Variants in KCTD10 observed in about 807,000 individuals in gnomAD.
The protein encoded by KCTD10 is potassium channel tetramerization domain containing 10.
KCTD10 carries 13 observed loss-of-function variants against 34.6 expected under a neutral mutation model. The ratio of observed to expected loss-of-function variants is 0.38; its 90% CI spans 0.24 to 0.60. The LOEUF (loss-of-function observed/expected upper bound fraction) is 0.60. Ranked by LOEUF, KCTD10 falls within the 20% of genes least tolerant of loss-of-function variation. The pLI is 0.66. For missense variants in KCTD10, 256 were observed against 420.3 expected (o/e 0.61, Z 3.42); for synonymous variants, 156 against 168.8 (o/e 0.92, Z 0.59).
At chr12:109,459,431 T>C (rs1873199831) in intron 3 of KCTD10, 2 of 152,140 alleles carry the variant, frequency 1.3e-5, no homozygotes, top group African/African-American at 2.4e-5. Context: ...GCTGAGAACG[T>C]GGGGCTGAAG....
At chr12:109,476,385 C>G (rs1480232437) in intron 1 of KCTD10, among the ~76,000 whole-genome samples, 1 of 152,164 alleles carries the variant, frequency 6.6e-6, no homozygotes, top group Non-Finnish European at 1.5e-5. Context: ...AGGGACGTGA[C>G]AAACAAGCAA....
chr12:109,451,694 G>A lies in KCTD10; in HGVS notation c.843C>T (p.Arg281=), dbSNP rs572776348. 7.7e-5 allele frequency: 124 copies of A among 1,613,718 alleles called. No individual in the cohort carries two copies. Among genetic ancestry groups the A allele is most frequent in the Non-Finnish European group, 1.0e-4 (121 of 1,179,930 alleles). ...LLEATGGAAG[R]SHHLDEDEER... is the part of the protein sequence containing the mutation. ...CCTCGTCCTCGTCCAGGTGGTGGGA[G>A]CGCCCCGCCGCCCCGCCTGTGGCCT... Residue 281 remains arginine, a synonymous_variant, in exon 7 of 7, where the codon CGC becomes CGT. Coordinates refer to ENST00000228495, the MANE Select transcript of KCTD10 (RefSeq NM_031954.5). The surrounding 1 kb of genome is among the most constrained non-coding windows in gnomAD (Gnocchi z 5.0).
chr12:109,467,047 C>T (rs1429000652), intron 2 of KCTD10, among the ~76,000 whole-genome samples: 1 of 152,246 alleles, frequency 6.6e-6, no homozygotes, highest in Non-Finnish European at 1.5e-5. Context: ...AGCCTACCAG[C>T]CCAGGCCTTC....
At chr12:109,477,094 C>A (rs575304347) in intron 1 of KCTD10, among the ~76,000 whole-genome samples, 166 bp downstream of exon 1, 2 of 151,592 alleles carry the variant, frequency 1.3e-5, no homozygotes, top group African/African-American at 2.4e-5. Flanking sequence ...ACCCAAAGCC[C>A]TTCCCCCACC....
chr12:109,455,097 G>A (rs911757610), intron 6 of KCTD10, among the ~76,000 whole-genome samples: 1 of 151,626 alleles, frequency 6.6e-6, no homozygotes, highest in Non-Finnish European at 1.5e-5. Context: ...CCAATGTGGA[G>A]AGAGAGGCAG....
Position 109,460,538 on chromosome 12 carries a change from C to G in KCTD10, c.387+98G>C. 1 of 1,302,446 alleles carries G rather than the reference C, an allele frequency of 7.7e-7. No homozygotes were observed. The highest frequency in any genetic ancestry group is 1.1e-6 in the Non-Finnish European group (1 of 930,992). 80.7% of individuals were successfully genotyped at this position (1,302,446 alleles called of 1,614,324 possible). A position where few individuals can be genotyped will look rare whatever the true frequency, so the allele number is the denominator to read the frequency against. On this transcript the variant is annotated intron_variant, in intron 3 of 6. Transcript: ENST00000228495. The surrounding 1 kb of genome is among the most constrained non-coding windows in gnomAD (Gnocchi z 4.5). ...TCATTAACTCTCACAACATCTCAGT[C>G]AGACAGAAACTGCCCCCATTTTGCA...
intron 1 of KCTD10, chr12:109,470,560 G>A: frequency 2.0e-6 from 2 of 985,444 alleles, no homozygotes; most frequent in Non-Finnish European, 2.4e-6. Context: ...TAAAACTGTA[G>A]AGGTGGAGAT....
At chr12:109,467,752 C>T (rs1204139842) in intron 2 of KCTD10, among the ~76,000 whole-genome samples, 2 of 152,012 alleles carry the variant, frequency 1.3e-5, no homozygotes, top group African/African-American at 4.8e-5. Context: ...CTGTGTCCCC[C>T]GAGAACCTGT....
rs1368236148 is a variant in KCTD10, at chr12:109,450,025, C to T, written c.*1570G>A. 1 of 365,662 alleles carries T rather than the reference C, an allele frequency of 2.7e-6. No homozygotes were observed. The highest frequency in any genetic ancestry group is 3.9e-5 in the East Asian group (1 of 25,332). The allele number at this position is 365,662 out of a possible 1,614,324, so 22.7% of individuals were successfully genotyped here. ...TTTGCTGTTGGATACAAAATGAAGG[C>T]ATACAACTGTCACAGGCAGGGCAGT... On this transcript the variant is annotated 3_prime_UTR_variant, in exon 7 of 7. Coordinates refer to ENST00000228495, the MANE Select transcript of KCTD10 (RefSeq NM_031954.5).
intron 1 of KCTD10, chr12:109,471,019 C>T: frequency 1.5e-6 from 1 of 649,086 alleles, no homozygotes; most frequent in South Asian, 6.9e-5. Flanking sequence ...TCTTCCCCAC[C>T]CCAATGCAAC....
intron 3 of KCTD10, chr12:109,459,477 C>T (rs1369108622): frequency 6.6e-6 from 1 of 152,262 alleles, no homozygotes; most frequent in Non-Finnish European, 1.5e-5. Context: ...GTGAACAAAA[C>T]AATGAGGCAA....
chr12:109,458,158 T>A, intron 3 of KCTD10, 80 bp from the exon 4 acceptor site: 1 of 1,105,286 alleles, frequency 9.0e-7, no homozygotes, highest in East Asian at 2.4e-5. Context: ...GGACAGGCTC[T>A]GGCGAGGGGA....
intron 1 of KCTD10, 42 bp downstream of exon 1, chr12:109,477,218 G>A (rs1244662706): frequency 1.2e-6 from 2 of 1,609,728 alleles, no homozygotes; most frequent in African/African-American, 1.3e-5. Context: ...CAGCTCCCTC[G>A]GCCGCCCTCA....
At chr12:109,459,588 T>G (rs1873207941) in intron 3 of KCTD10, 1 of 152,210 alleles carries the variant, frequency 6.6e-6, no homozygotes, top group Non-Finnish European at 1.5e-5. Flanking sequence ...TGACGTAAAC[T>G]CTGAATTTAA....
chr12:109,459,056 A>T (rs1566053954), intron 3 of KCTD10: 1 of 152,404 alleles, frequency 6.6e-6, no homozygotes, highest in Non-Finnish European at 1.5e-5. Context: ...AGGAGGAGTC[A>T]GATAATGAAG....
rs540634908 is a variant in KCTD10 at position 109,454,385 on chromosome 12, C to T, written c.723+1733G>A. ...AATAACCAACAACCTCAAACAAAAA[C>T]ACAACTTACCAGCAGGGCTCAATAA... On this transcript the variant is annotated intron_variant, in intron 6 of 6. Transcript: ENST00000228495. Among the ~76,000 whole-genome samples, 4 of 152,250 alleles carry T rather than the reference C, an allele frequency of 2.6e-5. No homozygotes were observed. In the South Asian group the frequency reaches 8.3e-4, roughly 32 times the overall value.
intron 1 of KCTD10, chr12:109,470,263 G>A: frequency 3.0e-6 from 3 of 985,696 alleles, no homozygotes; most frequent in Non-Finnish European, 3.6e-6. Flanking sequence ...TTATGAAGTT[G>A]AATGGGATTC....
chr12:109,466,346 G>T (rs1016503178), intron 2 of KCTD10, among the ~76,000 whole-genome samples: 1 of 152,208 alleles, frequency 6.6e-6, no homozygotes, highest in Non-Finnish European at 1.5e-5. Context: ...AGGCCCTGTG[G>T]CAAGCGCTTT....
chr12:109,452,854 T>TTTTTTTTTTTTTTTA (rs1228946105), intron 6 of KCTD10, among the ~76,000 whole-genome samples: 7 of 151,242 alleles, frequency 4.6e-5, no homozygotes, highest in African/African-American at 1.7e-4. Context: ...CCTTTTTTTT[T>TTTTTTTTTTTTTTTA]AAAAGATATG....
Sources: allele counts gnomAD v4.1 joint callset (sites outside exome capture counted in the v4.1 genomes callset), GRCh38; gene constraint gnomAD v4.1.1; non-coding constraint Gnocchi (gnomAD v3.1); transcripts MANE v1.5; gene names NCBI Gene and HGNC (gene_info 2026-07-23, HGNC 2026-07-21).